The following EVL variants were observed in gnomAD, a reference collection of about 807,000 sequenced individuals.
EVL encodes the protein Enah/Vasp-like, also known as ena/VASP-like protein.
Under a neutral mutation model 59.6 loss-of-function variants are expected in EVL, and 21 were observed. The ratio of observed to expected loss-of-function variants is 0.35; its 90% CI spans 0.25 to 0.51. The LOEUF (loss-of-function observed/expected upper bound fraction) is 0.51. Ranked by LOEUF, EVL falls within the 20% of genes least tolerant of loss-of-function variation. EVL has a pLI of 0.97. For missense variants in EVL, 462 were observed against 546.6 expected, an observed-to-expected ratio of 0.85 and a Z score of 1.54; for synonymous variants, 198 against 203.5, an observed-to-expected ratio of 0.97 and a Z score of 0.23.
intron 1 of EVL, among the ~76,000 whole-genome samples, chr14:99,994,503 T>C (rs2060899472): frequency 6.6e-6 from 1 of 152,042 alleles, no homozygotes; most frequent in Non-Finnish European, 1.5e-5. Context: ...AACAATCTAC[T>C]TCAAACTAAT....
chr14:100,058,433 C>G (rs988443713), intron 1 of EVL, among the ~76,000 whole-genome samples: 24 of 152,206 alleles, frequency 1.6e-4, no homozygotes, highest in African/African-American at 5.1e-4. Flanking sequence ...ACCACTTACA[C>G]TGTACCTACT....
At chr14:99,999,315 A>G (rs1191006) in intron 1 of EVL, among the ~76,000 whole-genome samples, 14,732 of 152,254 alleles carry the variant, frequency 0.097, 1,018 homozygotes, top group East Asian at 0.29. Context: ...TTTGAGTGTG[A>G]TCAGCTCTGC....
chr14:100,077,766 T>A (rs899625565), intron 1 of EVL, among the ~76,000 whole-genome samples: 1 of 152,020 alleles, frequency 6.6e-6, no homozygotes, highest in African/African-American at 2.4e-5. Flanking sequence ...GTGCATACAG[T>A]TTTTTTGTTT....
chr14:100,001,868 C>G (rs1433931373), intron 1 of EVL, among the ~76,000 whole-genome samples: 4 of 152,154 alleles, frequency 2.6e-5, no homozygotes, highest in Non-Finnish European at 5.9e-5. Context: ...CTAGTCAAAG[C>G]CTTGGTAAAA....
intron 1 of EVL, among the ~76,000 whole-genome samples, chr14:100,006,208 C>CA (rs1174209243): frequency 6.6e-5 from 10 of 150,644 alleles, no homozygotes; most frequent in African/African-American, 2.4e-4. Flanking sequence ...TCAAGCAAAA[C>CA]AAACGATGGC....
intron 3 of EVL, among the ~76,000 whole-genome samples, chr14:100,111,148 A>ATTTTTTTT (rs35367426): frequency 3.7e-4 from 32 of 86,802 alleles, no homozygotes; most frequent in Non-Finnish European, 4.7e-4. Context: ...TAGTGTCCTC[A>ATTTTTTTT]TTTTTTTTTT....
intron 4 of EVL, among the ~76,000 whole-genome samples, chr14:100,125,626 G>A (rs191148756): frequency 3.3e-5 from 5 of 151,860 alleles, no homozygotes; most frequent in Admixed American, 2.6e-4. Context: ...CGCAATCTTG[G>A]CTAACTGCAA....
At chr14:100,123,862 G>A (rs1211996308) in intron 4 of EVL, among the ~76,000 whole-genome samples, 5 of 152,204 alleles carry the variant, frequency 3.3e-5, no homozygotes, top group African/African-American at 4.8e-5. Flanking sequence ...CCAGCGGGAC[G>A]GCTCTCAGGG....
intron 1 of EVL, among the ~76,000 whole-genome samples, chr14:100,014,556 A>G (rs2061037633): frequency 6.6e-6 from 1 of 152,218 alleles, no homozygotes; most frequent in South Asian, 2.1e-4. Context: ...GGTTGCTTCC[A>G]AATCTTGGCT....
chr14:100,137,472 C>G (rs905764583), intron 9 of EVL, 106 bp from the exon 10 acceptor site: 2 of 1,219,944 alleles, frequency 1.6e-6, no homozygotes, highest in African/African-American at 3.0e-5. Context: ...CGGGGCTCTG[C>G]ACCCTTGGCA....
intron 3 of EVL, among the ~76,000 whole-genome samples, chr14:100,099,893 A>G (rs1039303202): frequency 2.8e-4 from 41 of 147,530 alleles, no homozygotes; most frequent in African/African-American, 9.3e-4. Flanking sequence ...TTACTTGTAC[A>G]TGCAGATACT....
chr14:100,084,090 T>G (rs1163869450), intron 1 of EVL, among the ~76,000 whole-genome samples: 2 of 150,612 alleles, frequency 1.3e-5, no homozygotes, highest in Non-Finnish European at 3.0e-5. Flanking sequence ...TTCACTCTGT[T>G]GTCCAGGCTG....
chr14:100,005,630 T>TACACACACAC (rs35844160), intron 1 of EVL, among the ~76,000 whole-genome samples: 1 of 143,638 alleles, frequency 7.0e-6, no homozygotes, highest in African/African-American at 2.6e-5. Flanking sequence ...GCCTTTTAAA[T>TACACACACAC]ACACACACAC....
chr14:99,980,441 A>G (rs567357811), intron 1 of EVL, among the ~76,000 whole-genome samples: 1 of 152,308 alleles, frequency 6.6e-6, no homozygotes, highest in East Asian at 1.9e-4. Flanking sequence ...CCAGCCTTGT[A>G]CATGTGAGGC....
rs1888342475 is a variant in EVL at position 100,130,172 on chromosome 14, G to A, written c.839+488G>A. On this transcript the variant is annotated intron_variant, in intron 7 of 13. Transcript: ENST00000392920. The surrounding 1 kb of genome is among the most constrained non-coding windows in gnomAD (Gnocchi z 4.8). Reference sequence around the variant, plus strand: ...GAGCCCAGAGGGCATTGCCCTGAGCGACGGAGAGAGAGTAGTTCCATCTAC... The same window carrying A: ...GAGCCCAGAGGGCATTGCCCTGAGCAACGGAGAGAGAGTAGTTCCATCTAC... Among the ~76,000 whole-genome samples, 1 of 152,204 alleles carries A rather than the reference G, an allele frequency of 6.6e-6. No homozygotes were observed. Among genetic ancestry groups the A allele is most frequent in the African/African-American group, 2.4e-5 (1 of 41,454 alleles).
At position 100,143,915 on chromosome 14, in the gene EVL, G is replaced by T. The variant is rs931638062; in HGVS notation, c.*177G>T. ...AGTGAGGAAACCAAGTGCAACTCCT[G>T]GGTTTTTTTAGATTCTGCCTGACAC... On this transcript the variant is annotated 3_prime_UTR_variant, in exon 14 of 14. Transcript: ENST00000392920. 5 of 676,034 alleles carry T rather than the reference G, an allele frequency of 7.4e-6. No individual in the cohort carries two copies. In the Admixed American group the frequency reaches 1.5e-4, roughly 21 times the overall value. The allele number at this position is 676,034 out of a possible 1,614,324, so 41.9% of individuals were successfully genotyped here.
At chr14:99,991,004 C>A (rs1326719996) in intron 1 of EVL, among the ~76,000 whole-genome samples, 3 of 152,146 alleles carry the variant, frequency 2.0e-5, no homozygotes, top group Non-Finnish European at 2.9e-5. Context: ...TGCTTATATG[C>A]AGATTTTTTT....
intron 4 of EVL, among the ~76,000 whole-genome samples, chr14:100,124,412 A>AC (rs1887898730): frequency 1.3e-5 from 2 of 152,104 alleles, no homozygotes; most frequent in African/African-American, 4.8e-5. Flanking sequence ...TTTTCCTAAG[A>AC]CTGAGAAATG....
intron 7 of EVL, 65 bp from the exon 8 acceptor site, chr14:100,132,654 A>T: frequency 1.3e-6 from 2 of 1,565,890 alleles, no homozygotes; most frequent in Non-Finnish European, 1.8e-6. Context: ...GTGGAGGCAG[A>T]AGAGTTCTGG....
Sources: gnomAD v4.1 joint callset for allele counts (sites outside exome capture counted in the v4.1 genomes callset) on GRCh38, gnomAD v4.1.1 for gene constraint, Gnocchi (gnomAD v3.1) non-coding constraint, MANE v1.5 for transcripts, NCBI Gene and HGNC (gene_info 2026-07-23, HGNC 2026-07-21) for gene names.